The following AGAP1 variants were observed in gnomAD, a reference collection of about 807,000 sequenced individuals.
AGAP1 encodes ArfGAP with GTPase domain, ankyrin repeat and PH domain 1.
In AGAP1, 29 loss-of-function variants were observed where a neutral mutation model predicts 105.3. That is an observed-to-expected ratio of 0.28 (90% CI 0.21 to 0.38). AGAP1 has a LOEUF of 0.38. AGAP1 is among the 10% of genes least tolerant of loss of function. The probability of loss-of-function intolerance (pLI) is 1.00; values close to 1 mark genes in which losing one functional copy is unlikely to be tolerated. For synonymous variants in AGAP1, 509 were observed against 485.9 expected (o/e 1.05, Z -0.63); for missense variants, 998 against 1,165.1 (o/e 0.86, Z 2.09).
rs1241185814 is a variant in AGAP1 at position 236,058,685 on chromosome 2, G to C, written c.2114+9404G>C. Among the ~76,000 whole-genome samples the C allele has an allele frequency of 2.6e-5, 4 of 152,168 alleles. No individual in the cohort carries two copies. Among genetic ancestry groups the C allele is most frequent in the Admixed American group, 2.6e-4 (4 of 15,282 alleles). On this transcript the variant is annotated intron_variant, in intron 16 of 17. Transcript: ENST00000304032. The surrounding 1 kb of genome is among the most constrained non-coding windows in gnomAD (Gnocchi z 4.6). ...CACAAACAAGACAAGAATGTCACCA[G>C]ATCTGTTCAGCATTATACTGGAGGT... is the stretch of plus-strand genomic sequence containing the variant.
chr2:235,797,243 C>T lies in AGAP1; in HGVS notation c.674-516C>T, dbSNP rs1249625998. Among the ~76,000 whole-genome samples the T allele has an allele frequency of 2.6e-5, 4 of 152,152 alleles. No individual in the cohort carries two copies. In the East Asian group the frequency reaches 7.7e-4, roughly 29 times the overall value. ...AAAAAAGATGATTTTATGAGAATAA[C>T]TTAAATGAGATAGGTGTGTATTTTT... On this transcript the variant is annotated intron_variant, in intron 6 of 17. Transcript: ENST00000304032.
At position 235,577,578 on chromosome 2, in the gene AGAP1, C is replaced by T. The variant is rs1247932753; in HGVS notation, c.163+82729C>T. ...GTCGGTGGGAGCTGAGAGTCCCTTG[C>T]TGCCCGGAGCATGGCTGTGTGGCTG... On this transcript the variant is annotated intron_variant, in intron 1 of 17. Transcript: ENST00000304032. This position sits in a 1 kb window ranked among gnomAD's most constrained non-coding sequence, Gnocchi z 4.5. Among the ~76,000 whole-genome samples the T allele has an allele frequency of 6.6e-6, 1 of 152,090 alleles. No homozygotes were observed. Among genetic ancestry groups the T allele is most frequent in the African/African-American group, 2.4e-5 (1 of 41,404 alleles).
Position 235,622,348 on chromosome 2 carries a change from G to A in AGAP1, c.164-86831G>A, listed in dbSNP as rs1946510451. 6.6e-6 allele frequency among the ~76,000 whole-genome samples: 1 copy of A among 152,192 alleles called. No individual in the cohort carries two copies. The highest frequency in any genetic ancestry group is 1.5e-5 in the Non-Finnish European group (1 of 68,038). On this transcript the variant is annotated intron_variant, in intron 1 of 17. Coordinates refer to ENST00000304032, the MANE Select transcript of AGAP1 (RefSeq NM_001037131.3). This position sits in a 1 kb window ranked among gnomAD's most constrained non-coding sequence, Gnocchi z 5.0. Reference sequence around the variant, plus strand: ...TGTGACTCTGGACAGCCAGTGGTCTGTAGCATTCTCATCCTTCAGAGCTCC... The same window carrying A: ...TGTGACTCTGGACAGCCAGTGGTCTATAGCATTCTCATCCTTCAGAGCTCC...
At chr2:235,773,772 C>G (rs868183491) in intron 6 of AGAP1, 2 of 367,990 alleles carry the variant, frequency 5.4e-6, no homozygotes, top group African/African-American at 2.2e-5. Context: ...TGGTTTTCTT[C>G]GGAGAATCAC....
intron 17 of AGAP1, among the ~76,000 whole-genome samples, chr2:236,122,056 A>T (rs185311844): frequency 2.0e-5 from 3 of 151,028 alleles, no homozygotes; most frequent in Admixed American, 2.0e-4. Context: ...GGCTCAAGCA[A>T]TCCCCCCACC....
At chr2:235,816,727 C>T (rs1958478115) in intron 9 of AGAP1, among the ~76,000 whole-genome samples, 1 of 151,952 alleles carries the variant, frequency 6.6e-6, no homozygotes, top group Admixed American at 6.6e-5. Context: ...CCCATCTCTA[C>T]TAAAAATACA....
chr2:235,886,936 G>A (rs1486223939), intron 10 of AGAP1, among the ~76,000 whole-genome samples: 3 of 152,192 alleles, frequency 2.0e-5, no homozygotes, highest in African/African-American at 4.8e-5. Context: ...ACCCACACCA[G>A]CTGAGTTAGT....
At chr2:235,743,773 G>A (rs576415109) in intron 4 of AGAP1, among the ~76,000 whole-genome samples, 6 of 152,282 alleles carry the variant, frequency 3.9e-5, no homozygotes, top group African/African-American at 1.4e-4. Context: ...GAAAGCAGAC[G>A]GGATGGATTT....
rs751855368 is a variant in AGAP1, at chr2:235,981,783, C to T, written c.1645+13160C>T. On this transcript the variant is annotated intron_variant, in intron 13 of 17. Transcript: ENST00000304032. The surrounding 1 kb of genome is among the most constrained non-coding windows in gnomAD (Gnocchi z 5.5). ...TAAGTAACTTGCTCAAGGCCATAGA[C>T]GTAGAAAGCAGCGATAGGGCCACCG... 5.3e-5 allele frequency among the ~76,000 whole-genome samples: 8 copies of T among 152,118 alleles called. No homozygotes were observed. Among genetic ancestry groups the T allele is most frequent in the Non-Finnish European group, 1.0e-4 (7 of 68,016 alleles).
Position 235,931,060 on chromosome 2 carries a change from T to A in AGAP1, c.1483+137T>A. 1 of 983,154 alleles carries A rather than the reference T, an allele frequency of 1.0e-6. No individual in the cohort carries two copies. The highest frequency in any genetic ancestry group is 1.4e-6 in the Non-Finnish European group (1 of 694,660). 60.9% of individuals were successfully genotyped at this position (983,154 alleles called of 1,614,324 possible). A position where few individuals can be genotyped will look rare whatever the true frequency, so the allele number is the denominator to read the frequency against. ...CCTGTGGGGCGGCTGCATCAGAGAC[T>A]CACATCTTGCCTTTCATCTGTGGAA... On this transcript the variant is annotated intron_variant, in intron 12 of 17. Coordinates refer to ENST00000304032, the MANE Select transcript of AGAP1 (RefSeq NM_001037131.3). The surrounding 1 kb of genome is among the most constrained non-coding windows in gnomAD (Gnocchi z 5.6).
At chr2:236,066,758 T>C (rs549571209) in intron 16 of AGAP1, among the ~76,000 whole-genome samples, 1 of 152,214 alleles carries the variant, frequency 6.6e-6, no homozygotes, top group Non-Finnish European at 1.5e-5. Flanking sequence ...CATAGGTCTA[T>C]CAATAATATT....
At chr2:235,592,055 T>C (rs944122580) in intron 1 of AGAP1, among the ~76,000 whole-genome samples, 3 of 152,226 alleles carry the variant, frequency 2.0e-5, no homozygotes, top group African/African-American at 2.4e-5. Context: ...CATTCCTTTA[T>C]AGCAACGCAA....
At chr2:235,670,679 A>G (rs1330447258) in intron 1 of AGAP1, 5 of 685,826 alleles carry the variant, frequency 7.3e-6, no homozygotes, top group Non-Finnish European at 1.3e-5. Flanking sequence ...GGCCGGGACC[A>G]CCCTGGAGCC....
rs965287407 is a variant in AGAP1 at position 235,614,140 on chromosome 2, C to T, written c.164-95039C>T. On this transcript the variant is annotated intron_variant, in intron 1 of 17. Coordinates refer to ENST00000304032, the MANE Select transcript of AGAP1 (RefSeq NM_001037131.3). This position sits in a 1 kb window ranked among gnomAD's most constrained non-coding sequence, Gnocchi z 4.7. ...ATCTGCGAATGTGCTAGATACCCTA[C>T]TGGTGCTGGTGAGCAGAAACAGGCA... Among the ~76,000 whole-genome samples, 1 of 152,112 alleles carries T rather than the reference C, an allele frequency of 6.6e-6. No homozygotes were observed. The highest frequency in any genetic ancestry group is 2.4e-5 in the African/African-American group (1 of 41,412).
At chr2:235,797,302 G>A (rs1957286061) in intron 6 of AGAP1, among the ~76,000 whole-genome samples, 1 of 152,136 alleles carries the variant, frequency 6.6e-6, no homozygotes, top group Admixed American at 6.6e-5. Flanking sequence ...GTCTGTGCAG[G>A]GCTGCTGAGG....
chr2:235,704,982 T>TTC (rs1553610149), intron 1 of AGAP1, among the ~76,000 whole-genome samples: 1 of 133,398 alleles, frequency 7.5e-6, no homozygotes, highest in Non-Finnish European at 1.6e-5. Context: ...TTTTTTTTTT[T>TTC]TTTTTTTTTT....
At chr2:235,558,747 A>G (rs1399536140) in intron 1 of AGAP1, among the ~76,000 whole-genome samples, 4 of 152,194 alleles carry the variant, frequency 2.6e-5, no homozygotes, top group Non-Finnish European at 4.4e-5. Flanking sequence ...GCAGCAACTT[A>G]CAATAATGCC....
rs933292638 is a variant in AGAP1 at position 235,777,349 on chromosome 2, CA to C, written c.674-20401del. Reference sequence around the variant, plus strand: ...TGGGTGACAGAGCGAGACTCTGTCTCAAAAAAAAAGACAAAAGTGATTTCCT... The same window carrying C: ...TGGGTGACAGAGCGAGACTCTGTCTCAAAAAAAAGACAAAAGTGATTTCCT... On this transcript the variant is annotated intron_variant, in intron 6 of 17. Coordinates refer to ENST00000304032, the MANE Select transcript of AGAP1 (RefSeq NM_001037131.3). The surrounding 1 kb of genome is among the most constrained non-coding windows in gnomAD (Gnocchi z 5.1). Among the ~76,000 whole-genome samples the C allele has an allele frequency of 1.9e-4, 29 of 150,024 alleles. No individual in the cohort carries two copies. Among genetic ancestry groups the C allele is most frequent in the Admixed American group, 1.7e-3 (25 of 15,084 alleles).
At chr2:235,584,193 C>CTTTT (rs11447483) in intron 1 of AGAP1, among the ~76,000 whole-genome samples, 4 of 139,984 alleles carry the variant, frequency 2.9e-5, no homozygotes, top group Non-Finnish European at 3.1e-5. Flanking sequence ...CAATAAACCA[C>CTTTT]TTTTTTTTTT....
Sources: allele counts gnomAD v4.1 joint callset (sites outside exome capture counted in the v4.1 genomes callset), GRCh38; gene constraint gnomAD v4.1.1; non-coding constraint Gnocchi (gnomAD v3.1); transcripts MANE v1.5; gene names NCBI Gene and HGNC (gene_info 2026-07-23, HGNC 2026-07-21).